ZNF557: variants seen among roughly 807,000 people sequenced by gnomAD.
The protein encoded by ZNF557 is zinc finger protein 557.
In ZNF557, 19 loss-of-function variants were observed where a neutral mutation model predicts 21.2. The ratio of observed to expected loss-of-function variants is 0.90; its 90% confidence interval spans 0.63 to 1.32. The LOEUF (loss-of-function observed/expected upper bound fraction) is 1.32, where lower values mean the gene tolerates loss of function less well. ZNF557 is among the 40% of genes most tolerant of loss of function. ZNF557 has a pLI of 0.00. For missense variants in ZNF557, 487 were observed against 519.8 expected, an observed-to-expected ratio of 0.94 and a Z score of 0.61; for synonymous variants, 207 against 194.8, an observed-to-expected ratio of 1.06 and a Z score of -0.52.
At chr19:7,073,198 TAGAG>T (rs1977502563) in intron 2 of ZNF557, among the ~76,000 whole-genome samples, 1 of 142,988 alleles carries the variant, frequency 7.0e-6, no homozygotes, top group Non-Finnish European at 1.5e-5. Flanking sequence ...TCACCCAGGC[TAGAG>T]TGCAGTGGCA....
chr19:7,081,230 C>A, intron 5 of ZNF557, 130 bp from the exon 6 acceptor site: 9 of 518,674 alleles, frequency 1.7e-5, no homozygotes, highest in East Asian at 3.5e-5. Flanking sequence ...TATATTTATT[C>A]AATTTTGGCA....
intron 3 of ZNF557, 127 bp from the exon 4 acceptor site, chr19:7,075,528 G>A: frequency 2.3e-6 from 2 of 886,392 alleles, no homozygotes; most frequent in Non-Finnish European, 3.5e-6. Context: ...GAGTAGAGGT[G>A]GATGCTTTGT....
chr19:7,087,328 GT>G lies in ZNF557; in HGVS notation c.*3585del, dbSNP rs1361065607. 1 of 150,604 alleles carries G rather than the reference GT, an allele frequency of 6.6e-6. No individual in the cohort carries two copies. The highest frequency in any genetic ancestry group is 1.5e-5 in the Non-Finnish European group (1 of 67,870). The allele number at this position is 150,604 out of a possible 1,614,324, so 9.3% of individuals were successfully genotyped here. On this transcript the variant is annotated 3_prime_UTR_variant, in exon 8 of 8. Coordinates refer to ENST00000252840, the MANE Select transcript of ZNF557 (RefSeq NM_024341.3). ...GGCCAAGGCAGGCGGATCACCTGAGGTGGGGAGTTCGAGACCAGCCTGATCA... is the reference window on the plus strand; with the variant it reads ...GGCCAAGGCAGGCGGATCACCTGAGGGGGGAGTTCGAGACCAGCCTGATCA...
At chr19:7,079,303 GCA>G (rs1977646669) in intron 5 of ZNF557, among the ~76,000 whole-genome samples, 2 of 140,744 alleles carry the variant, frequency 1.4e-5, no homozygotes, top group South Asian at 4.4e-4. Flanking sequence ...GTGCAGTGGT[GCA>G]ATCTTGGCTA....
Position 7,070,625 on chromosome 19 carries a change from C to G in ZNF557, c.-108C>G, listed in dbSNP as rs150937163. The G allele has an allele frequency of 6.6e-6, 1 of 152,200 alleles. No individual in the cohort carries two copies. Among genetic ancestry groups the G allele is most frequent in the African/African-American group, 2.4e-5 (1 of 41,442 alleles). The allele number at this position is 152,200 out of a possible 1,614,324, so 9.4% of individuals were successfully genotyped here. ...ACCAGCCTCAAGTTTCACCTATCCT[C>G]ACTGATCCGTGGACTTCTGTATGAT... On this transcript the variant is annotated 5_prime_UTR_variant, in exon 2 of 8. Transcript: ENST00000252840.
intron 6 of ZNF557, 143 bp from the exon 7 acceptor site, chr19:7,081,827 C>G (rs1599843911): frequency 4.7e-6 from 3 of 632,578 alleles, no homozygotes; most frequent in Admixed American, 5.5e-5. Flanking sequence ...TTTTCACACC[C>G]ATATCTCTTT....
chr19:7,076,641 T>C, intron 5 of ZNF557, 134 bp downstream of exon 5: 2 of 1,330,434 alleles, frequency 1.5e-6, no homozygotes, highest in Non-Finnish European at 2.0e-6. Flanking sequence ...TTTGGTGGCT[T>C]TTCGTAGGTT....
intron 5 of ZNF557, among the ~76,000 whole-genome samples, chr19:7,079,376 G>T (rs886740744): frequency 6.6e-6 from 1 of 151,118 alleles, no homozygotes. Context: ...CGAGTAGCTG[G>T]GACTACAGGC....
chr19:7,070,850 C>A (rs888929058), intron 2 of ZNF557, among the ~76,000 whole-genome samples, 197 bp downstream of exon 2: 1 of 150,904 alleles, frequency 6.6e-6, no homozygotes, highest in Admixed American at 6.6e-5. Context: ...ATTGCAACAT[C>A]TGCCTCCCAG....
chr19:7,070,242 A>G (rs9967625), intron 1 of ZNF557, among the ~76,000 whole-genome samples: 1 of 152,160 alleles, frequency 6.6e-6, no homozygotes, highest in African/African-American at 2.4e-5. Flanking sequence ...AGCCGAGTCC[A>G]CTTATAAGGC....
chr19:7,080,225 A>C (rs1001934401), intron 5 of ZNF557, among the ~76,000 whole-genome samples: 13 of 151,956 alleles, frequency 8.6e-5, no homozygotes, highest in African/African-American at 3.1e-4. Flanking sequence ...AATTGCTTGA[A>C]CCCAGGAGGT....
At chr19:7,074,331 TACACACACAC>T (rs71177149) in intron 2 of ZNF557, among the ~76,000 whole-genome samples, 1 of 150,034 alleles carries the variant, frequency 6.7e-6, no homozygotes, top group Non-Finnish European at 1.5e-5. Context: ...TGTGTGTATA[TACACACACAC>T]ACACACACAC....
intron 2 of ZNF557, among the ~76,000 whole-genome samples, chr19:7,073,566 A>G (rs1259101443): frequency 1.3e-5 from 2 of 152,156 alleles, no homozygotes; most frequent in Non-Finnish European, 2.9e-5. Context: ...GGTTCTGTTA[A>G]CACCACAGAG....
rs182199804 is a variant in ZNF557, at chr19:7,083,621, C to T, written c.1170C>T (p.Ser390=). The T allele has an allele frequency of 2.9e-5, 47 of 1,613,932 alleles. No homozygotes were observed. The highest frequency in any genetic ancestry group is 5.5e-5 in the South Asian group (5 of 91,066). Residue 390 remains serine (S), a synonymous_variant, in exon 8 of 8, where the codon TCC becomes TCT. Transcript: ENST00000252840. ...GAAAATCCTTTAATGTTCTCTCATC[C>T]GTTAAGAAACACATGAGAACTCACA... ...DCGKSFNVLS[S]VKKHMRTHTG...
intron 3 of ZNF557, among the ~76,000 whole-genome samples, chr19:7,075,437 C>G (rs772014510): frequency 6.6e-6 from 1 of 152,176 alleles, no homozygotes; most frequent in Non-Finnish European, 1.5e-5. Flanking sequence ...TGCAGTCAGA[C>G]CTTAAGCCCT....
At chr19:7,073,157 G>GTTTTTTTTTTTTT (rs552141577) in intron 2 of ZNF557, among the ~76,000 whole-genome samples, 5 of 136,072 alleles carry the variant, frequency 3.7e-5, no homozygotes, top group African/African-American at 8.3e-5. Context: ...GGTTTTTTTT[G>GTTTTTTTTTTTTT]TTTTTTTTTT....
rs1977783796 is a variant in ZNF557 at position 7,084,177 on chromosome 19, A to G, written c.*433A>G. On this transcript the variant is annotated 3_prime_UTR_variant, in exon 8 of 8. Transcript: ENST00000252840. ...TAAAGGAGCCAACACAGAAAGCATAATGTCTTTTATGACCTAGCTTCAGTG... is the reference window on the plus strand; with the variant it reads ...TAAAGGAGCCAACACAGAAAGCATAGTGTCTTTTATGACCTAGCTTCAGTG... 5.7e-6 allele frequency: 1 copy of G among 175,018 alleles called. No individual in the cohort carries two copies. The highest frequency in any genetic ancestry group is 1.2e-4 in the South Asian group (1 of 8,058). 10.8% of individuals were successfully genotyped at this position (175,018 alleles called of 1,614,324 possible). A position where few individuals can be genotyped will look rare whatever the true frequency, so the allele number is the denominator to read the frequency against.
intron 5 of ZNF557, among the ~76,000 whole-genome samples, chr19:7,077,341 G>A (rs1397142276): frequency 6.6e-6 from 1 of 151,666 alleles, no homozygotes; most frequent in Non-Finnish European, 1.5e-5. Flanking sequence ...TCACCATGTT[G>A]GCCAGGCTGG....
At position 7,083,889 on chromosome 19, in the gene ZNF557, T is replaced by C. The variant is rs968659693; in HGVS notation, c.*145T>C. 1.5e-5 allele frequency: 15 copies of C among 974,044 alleles called. No individual in the cohort carries two copies. Among genetic ancestry groups the C allele is most frequent in the South Asian group, 3.4e-5 (2 of 59,214 alleles). The allele number at this position is 974,044 out of a possible 1,614,324, so 60.3% of individuals were successfully genotyped here. ...TGGCTTCAAACAAAAACACTTGTTA[T>C]CTCAAAATTTTTGTAGGTCAGGAAT... is the stretch of plus-strand genomic sequence containing the variant. On this transcript the variant is annotated 3_prime_UTR_variant, in exon 8 of 8. Coordinates refer to ENST00000252840, the MANE Select transcript of ZNF557 (RefSeq NM_024341.3).
Sources: allele counts gnomAD v4.1 joint callset (sites outside exome capture counted in the v4.1 genomes callset), GRCh38; gene constraint gnomAD v4.1.1; transcripts MANE v1.5; gene names NCBI Gene and HGNC (gene_info 2026-07-23, HGNC 2026-07-21).